Variants in FGGY observed in about 807,000 individuals in gnomAD.
The protein encoded by FGGY is FGGY carbohydrate kinase domain-containing protein.
Under a neutral mutation model 71.3 loss-of-function variants are expected in FGGY, and 72 were observed. The ratio of observed to expected loss-of-function variants is 1.01; its 90% CI spans 0.84 to 1.23. The LOEUF (loss-of-function observed/expected upper bound fraction) is 1.23, where lower values mean the gene tolerates loss of function less well. Ranked by LOEUF, FGGY falls within the 50% of genes most tolerant of loss-of-function variation. The pLI is 0.00. For missense variants in FGGY, 668 were observed against 682.3 expected (o/e 0.98, Z 0.23); for synonymous variants, 251 against 250.3 (o/e 1.00, Z -0.02).
At chr1:59,704,726 C>A (rs2097740759) in intron 14 of FGGY, among the ~76,000 whole-genome samples, 1 of 151,990 alleles carries the variant, frequency 6.6e-6, no homozygotes, top group African/African-American at 2.4e-5. Context: ...TTAGCTGTTA[C>A]AGAGACACAA....
intron 5 of FGGY, among the ~76,000 whole-genome samples, chr1:59,437,332 C>G (rs542910809): frequency 6.6e-6 from 1 of 152,318 alleles, no homozygotes; most frequent in Admixed American, 6.5e-5. Context: ...CACTCCTGCC[C>G]TATAACGACA....
intron 7 of FGGY, among the ~76,000 whole-genome samples, chr1:59,534,722 A>C (rs1453345706): frequency 6.6e-6 from 1 of 150,838 alleles, no homozygotes; most frequent in Non-Finnish European, 1.5e-5. Flanking sequence ...TTTCATATCC[A>C]GCCAAACTAA....
chr1:59,346,947 C>CTTTT (rs71580898), intron 4 of FGGY, among the ~76,000 whole-genome samples: 2,283 of 112,092 alleles, frequency 0.02, 91 homozygotes, highest in African/African-American at 0.072. Context: ...AAAATCAATT[C>CTTTT]TTTTTTTTTT....
At chr1:59,734,110 C>G (rs1181542069) in intron 14 of FGGY, among the ~76,000 whole-genome samples, 1 of 152,218 alleles carries the variant, frequency 6.6e-6, no homozygotes, top group Non-Finnish European at 1.5e-5. Context: ...GCTCCAACAA[C>G]ACAGCCTTTC....
intron 6 of FGGY, among the ~76,000 whole-genome samples, chr1:59,508,532 C>G (rs1558163830): frequency 6.6e-6 from 1 of 152,186 alleles, no homozygotes; most frequent in East Asian, 1.9e-4. Flanking sequence ...TCAGGAGGCA[C>G]TAATGTTTGC....
chr1:59,659,240 C>T (rs1211734248), intron 11 of FGGY, among the ~76,000 whole-genome samples: 1 of 152,084 alleles, frequency 6.6e-6, no homozygotes, highest in Non-Finnish European at 1.5e-5. Context: ...GTTTGGGTAA[C>T]TGAATGGTGC....
intron 11 of FGGY, among the ~76,000 whole-genome samples, chr1:59,652,784 C>T (rs865800549): frequency 7.2e-5 from 11 of 152,008 alleles, no homozygotes; most frequent in African/African-American, 2.4e-4. Context: ...AGCTTTGTTC[C>T]GTTGCTGGTG....
intron 4 of FGGY, among the ~76,000 whole-genome samples, chr1:59,374,767 A>G (rs879793096): frequency 2.0e-5 from 3 of 151,988 alleles, no homozygotes; most frequent in African/African-American, 4.8e-5. Flanking sequence ...AGGGGCATGG[A>G]TGAAATTGGA....
intron 11 of FGGY, among the ~76,000 whole-genome samples, chr1:59,643,451 T>A (rs1322571024): frequency 6.6e-6 from 1 of 152,152 alleles, no homozygotes; most frequent in African/African-American, 2.4e-5. Context: ...CACTTCAGTC[T>A]CCCAAAGTGT....
In FGGY at chr1:59,533,633, C is replaced by T. The variant is rs573509066; in HGVS notation, c.800-20491C>T. Among the ~76,000 whole-genome samples, 270 of 152,328 alleles carry T rather than the reference C, an allele frequency of 1.8e-3. 1 individual carries two copies. Among genetic ancestry groups the T allele is most frequent in the African/African-American group, 5.7e-3 (239 of 41,582 alleles). ...TTGAAGAGAGCAGTGGTTCTCCCAG[C>T]ACGCAGCTGGAGACCTGAGAACGGG... On this transcript the variant is annotated intron_variant, in intron 7 of 15. Transcript: ENST00000303721.
chr1:59,476,020 C>T (rs1268828396), intron 6 of FGGY, among the ~76,000 whole-genome samples: 1 of 152,234 alleles, frequency 6.6e-6, no homozygotes, highest in African/African-American at 2.4e-5. Context: ...CACGTAGTCA[C>T]CATCCAACCA....
intron 5 of FGGY, among the ~76,000 whole-genome samples, chr1:59,429,346 A>G (rs555472105): frequency 2.4e-4 from 37 of 152,302 alleles, no homozygotes; most frequent in African/African-American, 8.2e-4. Flanking sequence ...TCGGAGGACA[A>G]GTGGGATATT....
At chr1:59,335,454 CTA>C (rs764982988) in intron 2 of FGGY, among the ~76,000 whole-genome samples, 2 of 152,120 alleles carry the variant, frequency 1.3e-5, no homozygotes. Context: ...GTTGGTTAAA[CTA>C]TGATGGATAT....
chr1:59,615,779 T>C (rs534366147), intron 9 of FGGY, among the ~76,000 whole-genome samples: 1 of 152,056 alleles, frequency 6.6e-6, no homozygotes, highest in African/African-American at 2.4e-5. Context: ...GAATCTACAA[T>C]GAACTCAAAC....
chr1:59,634,420 G>C (rs1176739848), intron 10 of FGGY, among the ~76,000 whole-genome samples: 1 of 151,958 alleles, frequency 6.6e-6, no homozygotes, highest in Non-Finnish European at 1.5e-5. Context: ...AAAAGAAAAA[G>C]AAAAAGTAAG....
chr1:59,298,910 A>G (rs2042357307), intron 1 of FGGY, among the ~76,000 whole-genome samples: 1 of 152,228 alleles, frequency 6.6e-6, no homozygotes, highest in African/African-American at 2.4e-5. Context: ...CATCTTGTCC[A>G]CATACTTTGG....
chr1:59,643,375 T>G (rs2097057488), intron 11 of FGGY, among the ~76,000 whole-genome samples: 1 of 152,074 alleles, frequency 6.6e-6, no homozygotes, highest in Admixed American at 6.5e-5. Context: ...AATATTTTTT[T>G]GTAGAGATGG....
In FGGY at chr1:59,583,854, G is replaced by C. The variant is rs186439059; in HGVS notation, c.904-23949G>C. Among the ~76,000 whole-genome samples, 123 of 142,606 alleles carry C rather than the reference G, an allele frequency of 8.6e-4. 23 individuals carry two copies. Among genetic ancestry groups the C allele is most frequent in the African/African-American group, 3.3e-3 (120 of 36,298 alleles). The allele number at this position is 142,606 out of a possible 152,430, so 93.6% of individuals were successfully genotyped here. A position where few individuals can be genotyped will look rare whatever the true frequency, so the allele number is the denominator to read the frequency against. ...ACTGGAGACCCTCAAGATGAGACCT[G>C]TTTTGAATGAGAGAGAGATGACCGT... On this transcript the variant is annotated intron_variant, in intron 8 of 15. Coordinates refer to ENST00000303721, the MANE Select transcript of FGGY (RefSeq NM_018291.5).
At chr1:59,717,492 G>A (rs1330630134) in intron 14 of FGGY, among the ~76,000 whole-genome samples, 1 of 152,138 alleles carries the variant, frequency 6.6e-6, no homozygotes, top group African/African-American at 2.4e-5. Flanking sequence ...GGCCGGATGG[G>A]AAAGACAGGA....
Sources: gnomAD v4.1 joint callset for allele counts (sites outside exome capture counted in the v4.1 genomes callset) on GRCh38, gnomAD v4.1.1 for gene constraint, MANE v1.5 for transcripts, NCBI Gene and HGNC (gene_info 2026-07-23, HGNC 2026-07-21) for gene names.